Variants in FTO observed in about 807,000 individuals in gnomAD.
FTO encodes FTO alpha-ketoglutarate dependent dioxygenase, also known as alpha-ketoglutarate-dependent dioxygenase FTO.
Under a neutral mutation model 63.9 loss-of-function variants are expected in FTO, and 47 were observed. The ratio of observed to expected loss-of-function variants is 0.74; its 90% CI spans 0.58 to 0.94. The LOEUF is 0.94. Among genes scored for constraint, FTO ranks in the 40% least tolerant of loss-of-function variants. The pLI, the probability that FTO is intolerant of heterozygous loss-of-function variation, is 0.00. For missense variants in FTO, 562 were observed against 618.1 expected (o/e 0.91, Z 0.96); for synonymous variants, 207 against 224.4 (o/e 0.92, Z 0.69).
chr16:53,909,184 G>A (rs1313373924), intron 7 of FTO, among the ~76,000 whole-genome samples: 2 of 152,180 alleles, frequency 1.3e-5, no homozygotes, highest in East Asian at 1.9e-4. Context: ...TACCAGCGGG[G>A]CTCAAAGTCC....
At chr16:53,902,487 C>T (rs371808515) in intron 7 of FTO, among the ~76,000 whole-genome samples, 15 of 152,310 alleles carry the variant, frequency 9.8e-5, no homozygotes, top group South Asian at 4.1e-4. Context: ...CAACTTTCAA[C>T]GGTGTGCCAA....
intron 8 of FTO, among the ~76,000 whole-genome samples, chr16:54,093,619 G>A (rs1235832486): frequency 6.6e-6 from 1 of 152,196 alleles, no homozygotes; most frequent in Non-Finnish European, 1.5e-5. Context: ...AAGGTGACTT[G>A]TAACAGGCCT....
chr16:53,991,881 G>C (rs185866345), intron 8 of FTO: 1 of 152,274 alleles, frequency 6.6e-6, no homozygotes, highest in East Asian at 1.9e-4. Flanking sequence ...TTCTGAAGTA[G>C]GGTTCAGTTG....
At chr16:54,095,059 G>A (rs947290358) in intron 8 of FTO, among the ~76,000 whole-genome samples, 3 of 152,060 alleles carry the variant, frequency 2.0e-5, no homozygotes, top group Non-Finnish European at 2.9e-5. Flanking sequence ...CCCTGGGCAT[G>A]CCTAACTCTT....
chr16:53,930,091 A>T (rs1178133955), intron 7 of FTO, among the ~76,000 whole-genome samples: 1 of 151,892 alleles, frequency 6.6e-6, no homozygotes, highest in Non-Finnish European at 1.5e-5. Flanking sequence ...GTTATTCTCC[A>T]CCACTTGTTA....
intron 8 of FTO, among the ~76,000 whole-genome samples, chr16:54,016,110 G>C (rs369687967): frequency 2.6e-5 from 4 of 152,118 alleles, no homozygotes; most frequent in Non-Finnish European, 5.9e-5. Flanking sequence ...CCATTTTACA[G>C]ATGAGAAAAC....
Position 53,704,245 on chromosome 16 carries a change from G to A in FTO, c.45+16G>A. ...CGAAGCTAAGGTATGTCGGGCTCCC[G>A]GGGCCTGGAGATCTTCGTGCGCTGT... is the stretch of plus-strand genomic sequence containing the variant. On this transcript the variant is annotated intron_variant, in intron 1 of 8. Transcript: ENST00000471389. 6.4e-7 allele frequency: 1 copy of A among 1,550,926 alleles called. No individual in the cohort carries two copies. Among genetic ancestry groups the A allele is most frequent in the Non-Finnish European group, 8.7e-7 (1 of 1,146,358 alleles).
chr16:54,005,912 C>T (rs1332482265), intron 8 of FTO, among the ~76,000 whole-genome samples: 1 of 152,050 alleles, frequency 6.6e-6, no homozygotes, highest in Non-Finnish European at 1.5e-5. Flanking sequence ...GAAGAAGTAT[C>T]CTAGAAATGT....
chr16:54,018,707 A>C (rs1255846879), intron 8 of FTO, among the ~76,000 whole-genome samples: 2 of 152,166 alleles, frequency 1.3e-5, no homozygotes, highest in African/African-American at 4.8e-5. Context: ...CTGGGTTCTC[A>C]TTCTTCTGCT....
chr16:53,843,684 C>A (rs1347206835), intron 3 of FTO, among the ~76,000 whole-genome samples: 1 of 152,066 alleles, frequency 6.6e-6, no homozygotes, highest in Non-Finnish European at 1.5e-5. Context: ...AAAAAATGAT[C>A]CCTTTGGTCT....
intron 1 of FTO, among the ~76,000 whole-genome samples, chr16:53,712,231 A>G (rs1054969888): frequency 2.0e-5 from 3 of 152,098 alleles, no homozygotes; most frequent in Non-Finnish European, 4.4e-5. Flanking sequence ...GTCTACTTTT[A>G]TTATGGGCCA....
chr16:53,726,584 A>C (rs990608633), intron 1 of FTO, among the ~76,000 whole-genome samples: 5 of 152,216 alleles, frequency 3.3e-5, no homozygotes, highest in African/African-American at 9.6e-5. Context: ...TAGGAAAAAA[A>C]GTCAAATTTG....
chr16:53,806,759 A>G (rs1270367558), intron 1 of FTO, among the ~76,000 whole-genome samples: 1 of 152,218 alleles, frequency 6.6e-6, no homozygotes, highest in Non-Finnish European at 1.5e-5. Context: ...TAATGATGTA[A>G]TGAGTATCCT....
At chr16:53,725,886 T>C (rs894306456) in intron 1 of FTO, among the ~76,000 whole-genome samples, 2 of 152,208 alleles carry the variant, frequency 1.3e-5, no homozygotes, top group African/African-American at 2.4e-5. Context: ...AGAAATCCTA[T>C]TGTTGATGAA....
At chr16:53,973,389 A>T (rs1300936911) in intron 8 of FTO, among the ~76,000 whole-genome samples, 2 of 152,218 alleles carry the variant, frequency 1.3e-5, no homozygotes, top group African/African-American at 4.8e-5. Context: ...CCCATTTGCT[A>T]CTTAAATACC....
At position 54,017,952 on chromosome 16, in the gene FTO, A is replaced by G. The variant is rs531677570; in HGVS notation, c.1364+83843A>G. On this transcript the variant is annotated intron_variant, in intron 8 of 8. Coordinates refer to ENST00000471389, the MANE Select transcript of FTO (RefSeq NM_001080432.3). Reference sequence around the variant, plus strand: ...ATTTGGAAAAGAAAGCAGGAAAAAAATAACTCACCCCCTGGTCCCCCACCA... The same window carrying G: ...ATTTGGAAAAGAAAGCAGGAAAAAAGTAACTCACCCCCTGGTCCCCCACCA... 5.3e-5 allele frequency among the ~76,000 whole-genome samples: 8 copies of G among 152,230 alleles called. No individual in the cohort carries two copies. In the East Asian group the frequency reaches 1.5e-3, roughly 29 times the overall value.
At chr16:53,738,981 C>T (rs1488942059) in intron 1 of FTO, among the ~76,000 whole-genome samples, 2 of 151,894 alleles carry the variant, frequency 1.3e-5, no homozygotes, top group Non-Finnish European at 2.9e-5. Context: ...GCTGTAACCA[C>T]AGGTGTGCTT....
chr16:53,744,561 G>A (rs1567948893), intron 1 of FTO, among the ~76,000 whole-genome samples: 2 of 152,236 alleles, frequency 1.3e-5, no homozygotes, highest in South Asian at 4.1e-4. Context: ...GCTGGCAGTG[G>A]GAGCAGTCCC....
At chr16:53,729,610 G>A (rs1351963238) in intron 1 of FTO, among the ~76,000 whole-genome samples, 1 of 152,084 alleles carries the variant, frequency 6.6e-6, no homozygotes, top group Non-Finnish European at 1.5e-5. Flanking sequence ...TTGCTGTATA[G>A]GTTCCTGTTT....
Sources: gnomAD v4.1 joint callset for allele counts (sites outside exome capture counted in the v4.1 genomes callset) on GRCh38, gnomAD v4.1.1 for gene constraint, MANE v1.5 for transcripts, NCBI Gene and HGNC (gene_info 2026-07-23, HGNC 2026-07-21) for gene names.